The following ZNF609 variants were observed in gnomAD, a reference collection of about 807,000 sequenced individuals.
The protein encoded by ZNF609 is zinc finger protein 609.
In ZNF609, 11 loss-of-function variants were observed where a neutral mutation model predicts 109.5. That is an observed-to-expected ratio of 0.10 (90% CI 0.06 to 0.17). The LOEUF is 0.17. Ranked by LOEUF, ZNF609 falls within the 10% of genes least tolerant of loss-of-function variation. The pLI, the probability that ZNF609 is intolerant of heterozygous loss-of-function variation, is 1.00. For missense variants in ZNF609, 1,559 were observed against 1,772.4 expected (o/e 0.88, Z 2.16); for synonymous variants, 646 against 662.0 (o/e 0.98, Z 0.37).
chr15:64,473,188 G>GTTTTTTTTTT (rs1893114721), intron 1 of ZNF609, among the ~76,000 whole-genome samples: 8 of 124,284 alleles, frequency 6.4e-5, no homozygotes, highest in African/African-American at 3.0e-4. Context: ...CTCATATTTG[G>GTTTTTTTTTT]TTCTTTTTTT....
intron 2 of ZNF609, among the ~76,000 whole-genome samples, chr15:64,563,348 G>A (rs1894712861): frequency 6.7e-6 from 1 of 150,276 alleles, no homozygotes; most frequent in Admixed American, 6.7e-5. Context: ...TCCCTCGGGA[G>A]GCTGAGGTGG....
At chr15:64,679,691 C>T (rs1402056115) in intron 6 of ZNF609, among the ~76,000 whole-genome samples, 2 of 152,220 alleles carry the variant, frequency 1.3e-5, no homozygotes, top group African/African-American at 2.4e-5. Context: ...CTGAGCCAGG[C>T]GCTGTCCTCT....
intron 2 of ZNF609, among the ~76,000 whole-genome samples, chr15:64,519,720 T>G (rs1377453264): frequency 6.6e-6 from 1 of 152,208 alleles, no homozygotes; most frequent in Non-Finnish European, 1.5e-5. Context: ...GTTTTCCTTT[T>G]TTCTTTTTTG....
chr15:64,633,752 G>A lies in ZNF609; in HGVS notation c.973+10700G>A, dbSNP rs140116695. Among the ~76,000 whole-genome samples, 859 of 151,970 alleles carry A rather than the reference G, an allele frequency of 5.7e-3. 12 individuals are homozygous for A. Among genetic ancestry groups the A allele is most frequent in the African/African-American group, 0.02 (825 of 41,448 alleles). ...AAAGTTTAGCCAGGCATGGTGGTGG[G>A]CGCCTGTAATCCCAGCTACTCGGGA... On this transcript the variant is annotated intron_variant, in intron 3 of 9. Transcript: ENST00000326648.
At chr15:64,626,059 T>C (rs545193675) in intron 3 of ZNF609, among the ~76,000 whole-genome samples, 3 of 151,846 alleles carry the variant, frequency 2.0e-5, no homozygotes, top group African/African-American at 7.2e-5. Context: ...TAAATACTGC[T>C]TTCACCAGGT....
chr15:64,574,665 A>G (rs1324467795), intron 2 of ZNF609, among the ~76,000 whole-genome samples: 2 of 152,150 alleles, frequency 1.3e-5, no homozygotes, highest in African/African-American at 4.8e-5. Flanking sequence ...ACCTGCTCTC[A>G]TTGGGATGAG....
chr15:64,590,791 C>T (rs1258097145), intron 2 of ZNF609, among the ~76,000 whole-genome samples: 2 of 151,796 alleles, frequency 1.3e-5, no homozygotes, highest in Admixed American at 6.6e-5. Flanking sequence ...CTTTCAATGT[C>T]AGTTTACAAG....
chr15:64,606,913 G>T (rs1288898788), intron 2 of ZNF609, among the ~76,000 whole-genome samples: 2 of 152,166 alleles, frequency 1.3e-5, no homozygotes, highest in Admixed American at 6.5e-5. Flanking sequence ...GGAGGCCGAG[G>T]CTGGCGGATC....
chr15:64,581,701 T>C (rs1235263656), intron 2 of ZNF609, among the ~76,000 whole-genome samples: 1 of 152,102 alleles, frequency 6.6e-6, no homozygotes, highest in Non-Finnish European at 1.5e-5. Context: ...GCTTTTGATT[T>C]TTCAGAGCAG....
intron 3 of ZNF609, among the ~76,000 whole-genome samples, chr15:64,662,646 G>A (rs1896595809): frequency 6.6e-6 from 1 of 151,500 alleles, no homozygotes; most frequent in African/African-American, 2.4e-5. Flanking sequence ...TTAAAACATT[G>A]AGATATTTCT....
intron 2 of ZNF609, among the ~76,000 whole-genome samples, chr15:64,526,591 T>A (rs1893970717): frequency 6.6e-6 from 1 of 152,228 alleles, no homozygotes; most frequent in African/African-American, 2.4e-5. Flanking sequence ...TGGACTTTTT[T>A]ATAGATGACT....
At chr15:64,498,383 C>T (rs1893513205) in intron 1 of ZNF609, among the ~76,000 whole-genome samples, 1 of 152,126 alleles carries the variant, frequency 6.6e-6, no homozygotes, top group Admixed American at 6.5e-5. Flanking sequence ...ATCACCACCA[C>T]CCCCTTTTGT....
intron 3 of ZNF609, among the ~76,000 whole-genome samples, chr15:64,626,144 T>G (rs543034708): frequency 6.6e-6 from 1 of 152,022 alleles, no homozygotes; most frequent in East Asian, 1.9e-4. Context: ...TCCCACTTAC[T>G]GTATTTCAAG....
intron 2 of ZNF609, among the ~76,000 whole-genome samples, chr15:64,553,217 G>C (rs1175143458): frequency 1.3e-5 from 2 of 150,770 alleles, no homozygotes; most frequent in Non-Finnish European, 2.9e-5. Flanking sequence ...AAGTTATTTG[G>C]CTGTTATAGA....
At position 64,676,156 on chromosome 15, in the gene ZNF609, T is replaced by G. The variant is rs1458976529; in HGVS notation, c.3302T>G (p.Leu1101Arg). 5 of 1,614,054 alleles carry G rather than the reference T, an allele frequency of 3.1e-6. No individual in the cohort carries two copies. The highest frequency in any genetic ancestry group is 2.7e-5 in the African/African-American group (2 of 74,918). Residue 1101 changes from leucine to arginine, a missense_variant, in exon 5 of 10, where the codon CTG becomes CGG. By Grantham distance (102) the Leu-to-Arg change is moderately radical. This residue lies in a region of ZNF609 where 1,204 missense variants were observed against 1,314.1 expected (regional missense o/e 0.92). Coordinates refer to ENST00000326648, the MANE Select transcript of ZNF609 (RefSeq NM_015042.2). ...GQAPEGLKVKLSDASHLSKEA... is the reference protein window; with the variant it reads ...GQAPEGLKVKRSDASHLSKEA... ...GCCCCTGAAGGCCTTAAAGTGAAGC[T>G]GAGTGATGCCAGCCACCTAAGCAAG... is the stretch of plus-strand genomic sequence containing the variant.
At chr15:64,661,856 A>C (rs1287537789) in intron 3 of ZNF609, among the ~76,000 whole-genome samples, 1 of 152,258 alleles carries the variant, frequency 6.6e-6, no homozygotes, top group Non-Finnish European at 1.5e-5. Context: ...CGTTCAAGGT[A>C]GGAATGAATT....
chr15:64,523,217 A>G (rs1194633130), intron 2 of ZNF609, among the ~76,000 whole-genome samples: 1 of 152,166 alleles, frequency 6.6e-6, no homozygotes, highest in Non-Finnish European at 1.5e-5. Context: ...GTATATTTTA[A>G]TTTATATTCT....
At chr15:64,495,023 A>G (rs1430540878) in intron 1 of ZNF609, among the ~76,000 whole-genome samples, 1 of 152,170 alleles carries the variant, frequency 6.6e-6, no homozygotes, top group African/African-American at 2.4e-5. Context: ...AGATCATCAG[A>G]TGTTTTTTTC....
At chr15:64,581,009 A>G (rs562224511) in intron 2 of ZNF609, among the ~76,000 whole-genome samples, 32 of 86,872 alleles carry the variant, frequency 3.7e-4, no homozygotes, top group Non-Finnish European at 6.6e-4. Flanking sequence ...TGTTGCCCAG[A>G]CAATTTTATT....
Sources: gnomAD v4.1 joint callset for allele counts (sites outside exome capture counted in the v4.1 genomes callset) on GRCh38, gnomAD v4.1.1 for gene constraint, gnomAD v4.1.1 regional missense constraint, MANE v1.5 for transcripts, NCBI Gene and HGNC (gene_info 2026-07-23, HGNC 2026-07-21) for gene names.